SEPTIN9: variants seen among roughly 807,000 people sequenced by gnomAD.
The protein encoded by SEPTIN9 is septin 9.
SEPTIN9 carries 13 observed loss-of-function variants against 56.6 expected under a neutral mutation model. That is an observed-to-expected ratio of 0.23 (90% CI 0.15 to 0.37). The LOEUF is 0.37. Among genes scored for constraint, SEPTIN9 ranks in the 10% least tolerant of loss-of-function variants. SEPTIN9 has a pLI of 1.00. For missense variants in SEPTIN9, 650 were observed against 823.1 expected (o/e 0.79, Z 2.57); for synonymous variants, 332 against 334.1 (o/e 0.99, Z 0.07).
intron 2 of SEPTIN9, among the ~76,000 whole-genome samples, chr17:77,352,122 G>A (rs887286665): frequency 1.3e-5 from 2 of 152,162 alleles, no homozygotes; most frequent in Admixed American, 6.5e-5. Flanking sequence ...AATCGGCCAC[G>A]TGCGGTGGCT....
intron 4 of SEPTIN9, among the ~76,000 whole-genome samples, chr17:77,485,264 T>TGGTGGTAAAGG (rs2039722703): frequency 9.1e-6 from 1 of 109,682 alleles, no homozygotes; most frequent in East Asian, 2.5e-4. Flanking sequence ...GTGATTGTGA[T>TGGTGGTAAAGG]GGTGATGTGG....
At chr17:77,359,309 C>G (rs1204244012) in intron 2 of SEPTIN9, among the ~76,000 whole-genome samples, 1 of 152,198 alleles carries the variant, frequency 6.6e-6, no homozygotes, top group African/African-American at 2.4e-5. Context: ...TGATAGCTCT[C>G]TTTGTATGAA....
rs933667377 is a variant in SEPTIN9, at chr17:77,369,614, T to G, written c.77-32445T>G. On this transcript the variant is annotated intron_variant, in intron 2 of 11. Coordinates refer to ENST00000427177, the MANE Select transcript of SEPTIN9 (RefSeq NM_001113491.2). The surrounding 1 kb of genome is among the most constrained non-coding windows in gnomAD (Gnocchi z 4.9). ...CTCGGCAGCTCTGGGAGGCCTACTT[T>G]GTGTCAGGCCACGCAGAGATAAGAC... 1.3e-5 allele frequency among the ~76,000 whole-genome samples: 2 copies of G among 152,220 alleles called. No individual in the cohort carries two copies. Among genetic ancestry groups the G allele is most frequent in the Admixed American group, 1.3e-4 (2 of 15,288 alleles).
In SEPTIN9 at chr17:77,403,404, G is replaced by A. The variant is rs139284256; in HGVS notation, c.721+701G>A. Among the ~76,000 whole-genome samples, 874 of 152,332 alleles carry A rather than the reference G, an allele frequency of 5.7e-3. 12 individuals carry two copies. Among genetic ancestry groups the A allele is most frequent in the African/African-American group, 0.02 (828 of 41,576 alleles). The stretch of plus-strand genomic sequence containing the variant: ...TTTTATTTGGGGGTGCCCTTCTGGC[G>A]AGAGGAGAGAGGCCATGGGGCTCCA... On this transcript the variant is annotated intron_variant, in intron 3 of 11. Transcript: ENST00000427177.
intron 3 of SEPTIN9, among the ~76,000 whole-genome samples, chr17:77,443,351 A>C (rs768172258): frequency 2.0e-5 from 3 of 152,190 alleles, no homozygotes; most frequent in Non-Finnish European, 4.4e-5. Context: ...TGGTCATCAC[A>C]CGGGAATAAT....
At position 77,356,573 on chromosome 17, in the gene SEPTIN9, C is replaced by A. The variant is rs577126521; in HGVS notation, c.77-45486C>A. Among the ~76,000 whole-genome samples the A allele has an allele frequency of 1.0e-4, 15 of 149,786 alleles. No homozygotes were observed. In the East Asian group the frequency reaches 3.0e-3, roughly 30 times the overall value. On this transcript the variant is annotated intron_variant, in intron 2 of 11. Coordinates refer to ENST00000427177, the MANE Select transcript of SEPTIN9 (RefSeq NM_001113491.2). ...GTAGTGTCCTTGGTAGAGAACTGGA[C>A]ACAGAGTCCACCCCCATGAAGGGGG...
rs1214780567 is a variant in SEPTIN9, at chr17:77,371,823, T to C, written c.77-30236T>C. Among the ~76,000 whole-genome samples the C allele has an allele frequency of 6.6e-6, 1 of 152,116 alleles. No homozygotes were observed. ...GTCCACAAACTCACTTGGTTGAAAATAGTTCAAAATATCCAAAGCATGAGG... is the reference window on the plus strand; with the variant it reads ...GTCCACAAACTCACTTGGTTGAAAACAGTTCAAAATATCCAAAGCATGAGG... On this transcript the variant is annotated intron_variant, in intron 2 of 11. Transcript: ENST00000427177. The surrounding 1 kb of genome is among the most constrained non-coding windows in gnomAD (Gnocchi z 4.1).
At position 77,308,809 on chromosome 17, in the gene SEPTIN9, T is replaced by TGGAGA. The variant is rs369616851; in HGVS notation, c.76+1615_76+1619dup. ...ACTGTGCACCACCAGGCCTGGACAG[T>TGGAGA]GGAGAGGGTGGCTTTTTACAGGGAG... is the stretch of plus-strand genomic sequence containing the variant. On this transcript the variant is annotated intron_variant, in intron 2 of 11. Coordinates refer to ENST00000427177, the MANE Select transcript of SEPTIN9 (RefSeq NM_001113491.2). Among the ~76,000 whole-genome samples, 466 of 152,124 alleles carry TGGAGA rather than the reference T, an allele frequency of 3.1e-3. 3 individuals are homozygous for TGGAGA. The highest frequency in any genetic ancestry group is 0.011 in the African/African-American group (441 of 41,502).
At chr17:77,447,351 C>T (rs1270747490) in intron 3 of SEPTIN9, among the ~76,000 whole-genome samples, 1 of 152,218 alleles carries the variant, frequency 6.6e-6, no homozygotes, top group African/African-American at 2.4e-5. Context: ...TCAGCCCCCA[C>T]GTCTGCATCG....
At chr17:77,419,563 G>C (rs2144206889) in intron 3 of SEPTIN9, among the ~76,000 whole-genome samples, 1 of 152,298 alleles carries the variant, frequency 6.6e-6, no homozygotes, top group East Asian at 1.9e-4. Flanking sequence ...GCTGGGAATG[G>C]TGGTCTGTTG....
chr17:77,486,570 A>C (rs1282991455), intron 4 of SEPTIN9, among the ~76,000 whole-genome samples: 1 of 148,724 alleles, frequency 6.7e-6, no homozygotes, highest in Non-Finnish European at 1.5e-5. Context: ...GTGTGTTGTG[A>C]GAGTTGTGTG....
intron 1 of SEPTIN9, chr17:77,288,283 C>G: frequency 1.1e-6 from 1 of 920,004 alleles, no homozygotes; most frequent in Non-Finnish European, 1.3e-6. Flanking sequence ...GCGCCATGGC[C>G]GGGGCCCTCT....
chr17:77,415,866 C>G (rs1256340432), intron 3 of SEPTIN9, among the ~76,000 whole-genome samples: 1 of 152,178 alleles, frequency 6.6e-6, no homozygotes, highest in Non-Finnish European at 1.5e-5. Context: ...GGAGCGTGGG[C>G]AGGACAGCCC....
intron 3 of SEPTIN9, among the ~76,000 whole-genome samples, chr17:77,471,970 C>A (rs951855196): frequency 7.9e-5 from 12 of 151,656 alleles, no homozygotes; most frequent in Non-Finnish European, 1.5e-4. Context: ...ATAGCCCCCC[C>A]CACCACACAC....
intron 2 of SEPTIN9, among the ~76,000 whole-genome samples, chr17:77,386,953 G>A (rs1173253086): frequency 6.6e-6 from 1 of 152,236 alleles, no homozygotes; most frequent in Non-Finnish European, 1.5e-5. Context: ...GAGAGAAGCT[G>A]TGACCACACA....
chr17:77,497,266 C>A, intron 10 of SEPTIN9, 49 bp from the exon 11 acceptor site: 1 of 1,571,642 alleles, frequency 6.4e-7, no homozygotes, highest in Non-Finnish European at 8.7e-7. Flanking sequence ...GGGGTCCGGG[C>A]AGAGTTTCTC....
chr17:77,401,248 C>T (rs935002681), intron 2 of SEPTIN9, among the ~76,000 whole-genome samples: 4 of 152,142 alleles, frequency 2.6e-5, no homozygotes, highest in Admixed American at 1.3e-4. Context: ...CCCGGCGCCT[C>T]GCCGGCACTG....
rs1404346148 is a variant in SEPTIN9, at chr17:77,437,714, C to T, written c.721+35011C>T. 1.3e-5 allele frequency among the ~76,000 whole-genome samples: 2 copies of T among 152,188 alleles called. No individual in the cohort carries two copies. Among genetic ancestry groups the T allele is most frequent in the African/African-American group, 4.8e-5 (2 of 41,436 alleles). On this transcript the variant is annotated intron_variant, in intron 3 of 11. Transcript: ENST00000427177. The surrounding 1 kb of genome is among the most constrained non-coding windows in gnomAD (Gnocchi z 5.3). ...CCATGCTGCAAAAGCCCAAGTGAACCCCAGTAGTGGCCTGGGAGAATCATC... is the reference window on the plus strand; with the variant it reads ...CCATGCTGCAAAAGCCCAAGTGAACTCCAGTAGTGGCCTGGGAGAATCATC...
chr17:77,427,806 G>A (rs1242692375), intron 3 of SEPTIN9, among the ~76,000 whole-genome samples: 1 of 152,226 alleles, frequency 6.6e-6, no homozygotes, highest in Non-Finnish European at 1.5e-5. Context: ...GACCAGGCCG[G>A]CAGGGGAGCC....
Sources: allele counts gnomAD v4.1 joint callset (sites outside exome capture counted in the v4.1 genomes callset), GRCh38; gene constraint gnomAD v4.1.1; non-coding constraint Gnocchi (gnomAD v3.1); transcripts MANE v1.5; gene names NCBI Gene and HGNC (gene_info 2026-07-23, HGNC 2026-07-21).